Variants in MEI4 observed in about 807,000 individuals in gnomAD.
MEI4 encodes meiotic double-stranded break formation protein 4.
MEI4 carries 27 observed loss-of-function variants against 31.4 expected under a neutral mutation model. That is an observed-to-expected ratio of 0.86 (90% CI 0.63 to 1.19). The LOEUF (loss-of-function observed/expected upper bound fraction) is 1.19, where lower values mean the gene tolerates loss of function less well. MEI4 is among the 50% of genes most tolerant of loss of function. The probability of loss-of-function intolerance (pLI) is 0.00; values close to 1 mark genes in which losing one functional copy is unlikely to be tolerated. For missense variants in MEI4, 329 were observed against 398.9 expected (o/e 0.82, Z 1.49); for synonymous variants, 122 against 145.4 (o/e 0.84, Z 1.16).
rs571496678 is a variant in MEI4 at position 77,731,390 on chromosome 6, A to C, written c.233-29740A>C. Reference sequence around the variant, plus strand: ...TCTCTGATGGCCAGTGATGGTGAGCATTTTTTCCTGTGTTTTTTGGCTGCA... The same window carrying C: ...TCTCTGATGGCCAGTGATGGTGAGCCTTTTTTCCTGTGTTTTTTGGCTGCA... On this transcript the variant is annotated intron_variant, in intron 2 of 4. Coordinates refer to ENST00000684080, the MANE Select transcript of MEI4 (RefSeq NM_001322247.2). Among the ~76,000 whole-genome samples, 392 of 150,892 alleles carry C rather than the reference A, an allele frequency of 2.6e-3. 1 individual carries two copies. Among genetic ancestry groups the C allele is most frequent in the Admixed American group, 4.9e-3 (74 of 15,132 alleles).
At chr6:77,729,992 G>A (rs1350954643) in intron 2 of MEI4, among the ~76,000 whole-genome samples, 1 of 151,986 alleles carries the variant, frequency 6.6e-6, no homozygotes, top group Admixed American at 6.6e-5. Context: ...ATAGATGTGA[G>A]CAATTGGAAC....
rs559902183 is a variant in MEI4, at chr6:77,694,471, T to C, written c.232+3568T>C. 9.2e-5 allele frequency among the ~76,000 whole-genome samples: 14 copies of C among 151,366 alleles called. No homozygotes were observed. In the South Asian group the frequency reaches 3.0e-3, roughly 32 times the overall value. Reference sequence around the variant, plus strand: ...TGTTCCCCTTCCTGTGTCCATGTGTTCTCATTGTTCAATTCCCACCTATGA... The same window carrying C: ...TGTTCCCCTTCCTGTGTCCATGTGTCCTCATTGTTCAATTCCCACCTATGA... On this transcript the variant is annotated intron_variant, in intron 2 of 4. Transcript: ENST00000684080.
intron 2 of MEI4, among the ~76,000 whole-genome samples, chr6:77,736,047 A>G (rs570704290): frequency 4.1e-4 from 63 of 152,144 alleles, no homozygotes; most frequent in African/African-American, 1.5e-3. Context: ...ACTGTCAGAC[A>G]GGGACTTTTA....
chr6:77,720,558 A>G lies in MEI4; in HGVS notation c.232+29655A>G, dbSNP rs995893200. On this transcript the variant is annotated intron_variant, in intron 2 of 4. Transcript: ENST00000684080. ...ATATGATAATCTTCCAAATGAAGGT[A>G]CATGCGTGACACAGACCTCTGGGAT... Among the ~76,000 whole-genome samples, 10 of 141,780 alleles carry G rather than the reference A, an allele frequency of 7.1e-5. 1 individual carries two copies. Among genetic ancestry groups the G allele is most frequent in the Non-Finnish European group, 1.5e-4 (10 of 64,948 alleles). 93.0% of individuals were successfully genotyped at this position (141,780 alleles called of 152,430 possible).
At position 77,686,285 on chromosome 6, in the gene MEI4, A is replaced by G. The variant is rs182315484; in HGVS notation, c.-14-4373A>G. Reference sequence around the variant, plus strand: ...TGGACTAGTGCATATAGAAAAGTATAAGTAAGAAAATAATATCATTCAGAC... The same window carrying G: ...TGGACTAGTGCATATAGAAAAGTATGAGTAAGAAAATAATATCATTCAGAC... On this transcript the variant is annotated intron_variant, in intron 1 of 4. Transcript: ENST00000684080. 3.5e-4 allele frequency among the ~76,000 whole-genome samples: 53 copies of G among 152,286 alleles called. 1 individual carries two copies. Among genetic ancestry groups the G allele is most frequent in the Admixed American group, 2.0e-4 (3 of 15,292 alleles).
chr6:77,695,183 G>A (rs921809142), intron 2 of MEI4, among the ~76,000 whole-genome samples: 15 of 151,918 alleles, frequency 9.9e-5, no homozygotes, highest in African/African-American at 3.4e-4. Flanking sequence ...AGATGAGTAG[G>A]TTGCAAAAAT....
chr6:77,779,593 G>A (rs144234508), intron 3 of MEI4, among the ~76,000 whole-genome samples: 25 of 152,204 alleles, frequency 1.6e-4, no homozygotes, highest in South Asian at 4.1e-4. Flanking sequence ...TAAGACACAC[G>A]TGCCTTTTGA....
In MEI4 at chr6:77,681,873, A is replaced by G. The variant is rs557196828; in HGVS notation, c.-14-8785A>G. ...CAGACTCTCTGCTGGAAAGGCTTCC[A>G]CAGGGGCCCTTAATAATAAAAGTAG... On this transcript the variant is annotated intron_variant, in intron 1 of 4. Coordinates refer to ENST00000684080, the MANE Select transcript of MEI4 (RefSeq NM_001322247.2). 5.9e-5 allele frequency among the ~76,000 whole-genome samples: 9 copies of G among 152,326 alleles called. No individual in the cohort carries two copies. In the South Asian group the frequency reaches 1.2e-3, roughly 21 times the overall value.
intron 2 of MEI4, among the ~76,000 whole-genome samples, chr6:77,699,654 T>C (rs1177677935): frequency 6.6e-6 from 1 of 152,216 alleles, no homozygotes; most frequent in Non-Finnish European, 1.5e-5. Context: ...GGAGAGGCAC[T>C]CTGCTTTTTG....
intron 3 of MEI4, among the ~76,000 whole-genome samples, chr6:77,764,595 G>T (rs1768123546): frequency 6.6e-6 from 1 of 152,138 alleles, no homozygotes; most frequent in African/African-American, 2.4e-5. Context: ...GAACAACACT[G>T]TAGAGTAAAT....
intron 3 of MEI4, among the ~76,000 whole-genome samples, chr6:77,768,671 G>A (rs138527050): frequency 0.064 from 9,660 of 150,068 alleles, 466 homozygotes; most frequent in Non-Finnish European, 0.1. Context: ...CTGCACTCCC[G>A]CCTGGGTGAC....
chr6:77,809,854 G>T (rs868709141), intron 3 of MEI4, among the ~76,000 whole-genome samples: 25 of 152,040 alleles, frequency 1.6e-4, no homozygotes, highest in African/African-American at 6.0e-4. Context: ...AAAAATCATT[G>T]TTTATTTGAA....
At chr6:77,717,230 A>G (rs1766604426) in intron 2 of MEI4, among the ~76,000 whole-genome samples, 1 of 89,746 alleles carries the variant, frequency 1.1e-5, no homozygotes, top group Non-Finnish European at 2.3e-5. Flanking sequence ...CATCATAGAC[A>G]ATGTAAAGGA....
intron 1 of MEI4, among the ~76,000 whole-genome samples, chr6:77,686,176 A>G (rs75285870): frequency 6.6e-6 from 1 of 152,174 alleles, no homozygotes; most frequent in African/African-American, 2.4e-5. Flanking sequence ...GTGCCTCTCT[A>G]CAATCTGAAG....
At chr6:77,768,172 G>A (rs1160120054) in intron 3 of MEI4, among the ~76,000 whole-genome samples, 1 of 152,058 alleles carries the variant, frequency 6.6e-6, no homozygotes, top group Non-Finnish European at 1.5e-5. Context: ...TCATGTTCAG[G>A]TATATGATGC....
chr6:77,890,725 A>C (rs973714518), intron 4 of MEI4, among the ~76,000 whole-genome samples: 3 of 152,170 alleles, frequency 2.0e-5, no homozygotes, highest in African/African-American at 7.2e-5. Flanking sequence ...TAGTTCCCAC[A>C]ATTCCCACAT....
At chr6:77,752,115 A>G (rs1000769228) in intron 2 of MEI4, among the ~76,000 whole-genome samples, 1 of 152,228 alleles carries the variant, frequency 6.6e-6, no homozygotes, top group Non-Finnish European at 1.5e-5. Flanking sequence ...GATGGAACGT[A>G]TCTCAAAATA....
At chr6:77,707,704 G>A (rs9443461) in intron 2 of MEI4, among the ~76,000 whole-genome samples, 1,575 of 152,324 alleles carry the variant, frequency 0.01, 27 homozygotes, top group African/African-American at 0.036. Context: ...GGTTTTCTGA[G>A]TCAGGCCCAG....
At chr6:77,868,035 A>C (rs748774670) in intron 4 of MEI4, among the ~76,000 whole-genome samples, 1 of 149,510 alleles carries the variant, frequency 6.7e-6, no homozygotes, top group Non-Finnish European at 1.5e-5. Context: ...ACATGGACAC[A>C]GGAAGGGGAA....
Sources: gnomAD v4.1 joint callset for allele counts (sites outside exome capture counted in the v4.1 genomes callset) on GRCh38, gnomAD v4.1.1 for gene constraint, MANE v1.5 for transcripts, NCBI Gene and HGNC (gene_info 2026-07-23, HGNC 2026-07-21) for gene names.